IFT81: variants seen among roughly 807,000 people sequenced by gnomAD.
The protein encoded by IFT81 is intraflagellar transport 81.
Under a neutral mutation model 102.6 loss-of-function variants are expected in IFT81, and 72 were observed. That is an observed-to-expected ratio of 0.70 (90% CI 0.58 to 0.85). The LOEUF (loss-of-function observed/expected upper bound fraction) is 0.85. Among genes scored for constraint, IFT81 ranks in the 40% least tolerant of loss-of-function variants. IFT81 has a pLI of 0.00. For missense variants in IFT81, 723 were observed against 787.3 expected (o/e 0.92, Z 0.98); for synonymous variants, 237 against 242.7 (o/e 0.98, Z 0.22).
chr12:110,150,981 G>A (rs1047438522), intron 10 of IFT81, among the ~76,000 whole-genome samples: 2 of 151,922 alleles, frequency 1.3e-5, no homozygotes, highest in African/African-American at 4.8e-5. Context: ...TCATTCCATA[G>A]TAGAAAAAAT....
rs113031597 is a variant in IFT81 at position 110,146,446 on chromosome 12, G to A, written c.946-507G>A. 2.1e-3 allele frequency among the ~76,000 whole-genome samples: 318 copies of A among 152,310 alleles called. 3 individuals are homozygous for A. Among genetic ancestry groups the A allele is most frequent in the African/African-American group, 7.1e-3 (297 of 41,560 alleles). On this transcript the variant is annotated intron_variant, in intron 9 of 18. Transcript: ENST00000242591. ...ACTTTCAGTGACTTGAAGTCACAAC[G>A]TAGGTGAGGGGATAACTTCAGATTT...
intron 10 of IFT81, 22 bp from the exon 11 acceptor site, chr12:110,162,897 T>C: frequency 6.3e-7 from 1 of 1,580,022 alleles, no homozygotes; most frequent in Non-Finnish European, 8.6e-7. Flanking sequence ...TTATTATACC[T>C]TCATATTTAA....
rs555043883 is a variant in IFT81, at chr12:110,202,838, AT to A, written c.1558-1025del. On this transcript the variant is annotated intron_variant, in intron 14 of 18. Transcript: ENST00000242591. Reference sequence around the variant, plus strand: ...GCAAGCATTATATGGTGGTATTAATATCTCTTTTGAGGTGCCGTTTTGAGAT... The same window carrying A: ...GCAAGCATTATATGGTGGTATTAATACTCTTTTGAGGTGCCGTTTTGAGAT... Among the ~76,000 whole-genome samples, 290 of 152,256 alleles carry A rather than the reference AT, an allele frequency of 1.9e-3. 1 individual carries two copies. Among genetic ancestry groups the A allele is most frequent in the Non-Finnish European group, 3.4e-3 (230 of 68,006 alleles).
At chr12:110,215,438 C>G (rs1179138901) in intron 18 of IFT81, among the ~76,000 whole-genome samples, 1 of 105,796 alleles carries the variant, frequency 9.5e-6, no homozygotes, top group Non-Finnish European at 2.0e-5. Flanking sequence ...TTTTTCTTCT[C>G]TTCTTCTTCT....
At chr12:110,206,602 G>A (rs967375242) in intron 17 of IFT81, among the ~76,000 whole-genome samples, 4 of 151,830 alleles carry the variant, frequency 2.6e-5, no homozygotes, top group African/African-American at 9.7e-5. Context: ...TTGAACCCGG[G>A]GAGCAGGGGC....
chr12:110,218,064 A>C lies in IFT81; in HGVS notation c.1869A>C (p.Lys623Asn), dbSNP rs982886307. ...NLGKKLREKQ[K>N]VIRESHGPNM... ...GATAGAAACTTCGGGAAAAACAAAAAGTTATACGAGAAAGTCATGGTCCAA... is the reference window on the plus strand; with the variant it reads ...GATAGAAACTTCGGGAAAAACAAAACGTTATACGAGAAAGTCATGGTCCAA... The change falls in exon 19 of 19, where the codon AAA (lysine) becomes AAC (asparagine). Residue 623 changes from lysine to asparagine, a missense_variant. Lys to Asn is a moderately conservative substitution (Grantham distance 94). Coordinates refer to ENST00000242591, the MANE Select transcript of IFT81 (RefSeq NM_014055.4). The C allele has an allele frequency of 2.5e-6, 4 of 1,600,130 alleles. No homozygotes were observed. The highest frequency in any genetic ancestry group is 3.4e-6 in the Non-Finnish European group (4 of 1,176,156).
chr12:110,165,533 T>A (rs1213509415), intron 11 of IFT81, among the ~76,000 whole-genome samples: 1 of 152,230 alleles, frequency 6.6e-6, no homozygotes, highest in Non-Finnish European at 1.5e-5. Context: ...AAGAACACTA[T>A]GCCAGGAATC....
chr12:110,138,634 T>C (rs759631167), intron 8 of IFT81, among the ~76,000 whole-genome samples: 69 of 152,210 alleles, frequency 4.5e-4, no homozygotes, highest in Non-Finnish European at 8.5e-4. Flanking sequence ...GGTTTCTCCA[T>C]GTTGGTCAGG....
intron 10 of IFT81, among the ~76,000 whole-genome samples, chr12:110,159,660 G>C (rs948164385): frequency 2.0e-5 from 3 of 152,198 alleles, no homozygotes; most frequent in Non-Finnish European, 2.9e-5. Context: ...TTCAGTAAGA[G>C]GGGGAGGGAC....
intron 14 of IFT81, among the ~76,000 whole-genome samples, chr12:110,197,239 G>GGTAT (rs1898040001): frequency 7.4e-6 from 1 of 134,754 alleles, no homozygotes; most frequent in African/African-American, 2.7e-5. Flanking sequence ...TAAGTAGATA[G>GGTAT]GTAGGTAGGT....
chr12:110,174,298 A>T (rs920648759), intron 11 of IFT81, among the ~76,000 whole-genome samples: 60 of 149,326 alleles, frequency 4.0e-4, no homozygotes, highest in Non-Finnish European at 5.2e-4. Flanking sequence ...AAAAAAAAAA[A>T]AAAAAAAAAT....
intron 10 of IFT81, among the ~76,000 whole-genome samples, chr12:110,154,572 A>G (rs1895731738): frequency 6.7e-6 from 1 of 150,156 alleles, no homozygotes; most frequent in Non-Finnish European, 1.5e-5. Context: ...GGTTGCAGTG[A>G]GTCAAGATCA....
Position 110,170,232 on chromosome 12 carries a change from C to T in IFT81, c.1188+7167C>T, listed in dbSNP as rs551980882. Among the ~76,000 whole-genome samples, 9 of 152,326 alleles carry T rather than the reference C, an allele frequency of 5.9e-5. No individual in the cohort carries two copies. The South Asian group carries it at 6.2e-4, about 11-fold the overall frequency. On this transcript the variant is annotated intron_variant, in intron 11 of 18. Coordinates refer to ENST00000242591, the MANE Select transcript of IFT81 (RefSeq NM_014055.4). Reference sequence around the variant, plus strand: ...CCTCCCAAAGTGCTGGGATTACAGGCGTAAGCCACTGTGCCTGGCCAGGTT... The same window carrying T: ...CCTCCCAAAGTGCTGGGATTACAGGTGTAAGCCACTGTGCCTGGCCAGGTT...
At chr12:110,216,875 TA>T (rs1220068505) in intron 18 of IFT81, 1 of 290,488 alleles carries the variant, frequency 3.4e-6, no homozygotes, top group East Asian at 1.1e-4. Flanking sequence ...TATTAGGTTT[TA>T]GTATATAGAA....
chr12:110,195,002 ATT>A, intron 14 of IFT81, among the ~76,000 whole-genome samples: 1 of 152,274 alleles, frequency 6.6e-6, no homozygotes, highest in Middle Eastern at 3.4e-3. Flanking sequence ...TAAAAAAAGT[ATT>A]TTGTTTCTGA....
At chr12:110,178,696 A>G (rs1461170444) in intron 11 of IFT81, among the ~76,000 whole-genome samples, 2 of 123,822 alleles carry the variant, frequency 1.6e-5, no homozygotes, top group African/African-American at 6.1e-5. Flanking sequence ...GCTCACTGCA[A>G]CCTCCGCCTC....
Position 110,215,732 on chromosome 12 carries a change from C to G in IFT81, c.1849-2312C>G, listed in dbSNP as rs542317066. 4.6e-5 allele frequency among the ~76,000 whole-genome samples: 7 copies of G among 151,672 alleles called. No individual in the cohort carries two copies. The East Asian group carries it at 1.4e-3, about 30-fold the overall frequency. On this transcript the variant is annotated intron_variant, in intron 18 of 18. Coordinates refer to ENST00000242591, the MANE Select transcript of IFT81 (RefSeq NM_014055.4). ...CTACCGTGTCACTTATTGTCTCTGA[C>G]TTTGTGTCTACTCTTGCTTTCAGTC...
chr12:110,174,649 C>T (rs1477542347), intron 11 of IFT81, among the ~76,000 whole-genome samples: 1 of 151,908 alleles, frequency 6.6e-6, no homozygotes, highest in East Asian at 1.9e-4. Context: ...GCCTGGAATC[C>T]AATAATTCTT....
intron 14 of IFT81, among the ~76,000 whole-genome samples, chr12:110,197,154 C>G (rs1299814364): frequency 6.6e-6 from 1 of 152,030 alleles, no homozygotes; most frequent in East Asian, 1.9e-4. Flanking sequence ...GACCTGATAG[C>G]ACCACTGCAT....
Sources: gnomAD v4.1 joint callset for allele counts (sites outside exome capture counted in the v4.1 genomes callset) on GRCh38, gnomAD v4.1.1 for gene constraint, MANE v1.5 for transcripts, NCBI Gene and HGNC (gene_info 2026-07-23, HGNC 2026-07-21) for gene names.